CACNA1D: variants seen among roughly 807,000 people sequenced by gnomAD.
CACNA1D encodes voltage-dependent L-type calcium channel subunit alpha-1D.
A neutral mutation model predicts 257.1 loss-of-function variants in CACNA1D; 55 were observed. That is an observed-to-expected ratio of 0.21 (90% CI 0.17 to 0.27). The LOEUF (loss-of-function observed/expected upper bound fraction) is 0.27. Among genes scored for constraint, CACNA1D ranks in the 10% least tolerant of loss-of-function variants. The pLI is 1.00. For missense variants in CACNA1D, 1,876 were observed against 2,784.0 expected (o/e 0.67, Z 7.34); for synonymous variants, 980 against 1,014.9 (o/e 0.97, Z 0.65).
intron 3 of CACNA1D, among the ~76,000 whole-genome samples, chr3:53,630,389 A>G (rs756944441): frequency 2.6e-5 from 4 of 152,248 alleles, no homozygotes; most frequent in Non-Finnish European, 5.9e-5. Flanking sequence ...TAAAACATGT[A>G]ACATTGCTTA....
At chr3:53,563,945 A>T (rs887534445) in intron 3 of CACNA1D, among the ~76,000 whole-genome samples, 9 of 152,184 alleles carry the variant, frequency 5.9e-5, no homozygotes, top group African/African-American at 2.2e-4. Flanking sequence ...TTATTGGATG[A>T]TGCCTAGTTG....
At chr3:53,560,824 A>G (rs2092724646) in intron 3 of CACNA1D, among the ~76,000 whole-genome samples, 1 of 152,218 alleles carries the variant, frequency 6.6e-6, no homozygotes, top group Admixed American at 6.5e-5. Flanking sequence ...AAATTTACTG[A>G]CCACTAATTT....
Position 53,745,616 on chromosome 3 carries a change from C to A in CACNA1D, c.3007-8C>A, listed in dbSNP as rs200464228. The A allele has an allele frequency of 3.8e-6, 6 of 1,597,600 alleles. 1 individual carries two copies. In the South Asian group the frequency reaches 6.6e-5, roughly 18 times the overall value. Reference sequence around the variant, plus strand: ...AAGAAGAGTCACGCCCCTCTGCCCTCTCCGCAGCACGTGGTCCAGTGCGTC... The same window carrying A: ...AAGAAGAGTCACGCCCCTCTGCCCTATCCGCAGCACGTGGTCCAGTGCGTC... On this transcript the variant is annotated splice_region_variant and splice_polypyrimidine_tract_variant and intron_variant, in intron 23 of 47. Coordinates refer to ENST00000350061, the MANE Select transcript of CACNA1D (RefSeq NM_001128840.3).
In CACNA1D at chr3:53,775,000, C is replaced by T. The variant is rs775155963; in HGVS notation, c.4202+322C>T. On this transcript the variant is annotated intron_variant, in intron 34 of 47. Transcript: ENST00000350061. The surrounding 1 kb of genome is among the most constrained non-coding windows in gnomAD (Gnocchi z 4.3). ...ATGCATGGAGGCATGCACTTGAACACGACCAGGAAGACAGAAACTTAGCAA... is the reference window on the plus strand; with the variant it reads ...ATGCATGGAGGCATGCACTTGAACATGACCAGGAAGACAGAAACTTAGCAA... 1.6e-4 allele frequency among the ~76,000 whole-genome samples: 25 copies of T among 152,288 alleles called. No individual in the cohort carries two copies. Among genetic ancestry groups the T allele is most frequent in the East Asian group, 5.8e-4 (3 of 5,190 alleles).
At chr3:53,506,863 A>G (rs2090868342) in intron 3 of CACNA1D, among the ~76,000 whole-genome samples, 1 of 152,206 alleles carries the variant, frequency 6.6e-6, no homozygotes, top group African/African-American at 2.4e-5. Context: ...TATATTAGCC[A>G]CATTGCAGAT....
intron 8 of CACNA1D, among the ~76,000 whole-genome samples, chr3:53,682,380 A>AAAAC (rs1559509226): frequency 2.1e-5 from 3 of 145,586 alleles, no homozygotes; most frequent in East Asian, 4.0e-4. Flanking sequence ...AAAAAAAAAA[A>AAAAC]AAAAAAAAAA....
chr3:53,543,289 G>T (rs1419298430), intron 3 of CACNA1D, among the ~76,000 whole-genome samples: 1 of 152,034 alleles, frequency 6.6e-6, no homozygotes, highest in Admixed American at 6.6e-5. Context: ...TTATAATTAC[G>T]ATTTTAAAGA....
intron 3 of CACNA1D, among the ~76,000 whole-genome samples, chr3:53,571,221 T>C (rs2092937102): frequency 6.6e-6 from 1 of 151,984 alleles, no homozygotes; most frequent in Non-Finnish European, 1.5e-5. Flanking sequence ...TCTTTGGAGA[T>C]GAGTTGATGA....
chr3:53,802,066 C>T (rs188761869), intron 42 of CACNA1D, 81 bp from the exon 43 acceptor site: 1 of 1,220,570 alleles, frequency 8.2e-7, no homozygotes, highest in African/African-American at 1.5e-5. Flanking sequence ...TAGGAGGTAG[C>T]CTGATGTTTG....
At chr3:53,710,828 A>G (rs999695172) in intron 9 of CACNA1D, among the ~76,000 whole-genome samples, 2 of 151,910 alleles carry the variant, frequency 1.3e-5, no homozygotes, top group Non-Finnish European at 2.9e-5. Context: ...CAATAATGTT[A>G]TTTGATTGAT....
intron 3 of CACNA1D, among the ~76,000 whole-genome samples, chr3:53,599,225 A>G (rs2093410974): frequency 6.6e-6 from 1 of 152,198 alleles, no homozygotes; most frequent in African/African-American, 2.4e-5. Flanking sequence ...GGAACCAGAT[A>G]AAGGCAATAT....
At chr3:53,780,818 G>A (rs2095421771) in intron 38 of CACNA1D, among the ~76,000 whole-genome samples, 1 of 152,184 alleles carries the variant, frequency 6.6e-6, no homozygotes, top group African/African-American at 2.4e-5. Context: ...GGAGGTGGGA[G>A]GTGGAGACCT....
At chr3:53,571,983 C>A (rs1389823899) in intron 3 of CACNA1D, among the ~76,000 whole-genome samples, 1 of 152,194 alleles carries the variant, frequency 6.6e-6, no homozygotes, top group East Asian at 1.9e-4. Context: ...TTAGACATTA[C>A]CCTGGTTTTA....
rs145768770 is a variant in CACNA1D at position 53,591,882 on chromosome 3, T to C, written c.484-58897T>C. 2.8e-3 allele frequency among the ~76,000 whole-genome samples: 425 copies of C among 152,336 alleles called. 3 individuals carry two copies. Among genetic ancestry groups the C allele is most frequent in the East Asian group, 0.019 (97 of 5,184 alleles). ...ACCCTGGGATCCTTGTTAAATCTCATGTTACTCAGCTTGTTTTGTCACCAG... is the reference window on the plus strand; with the variant it reads ...ACCCTGGGATCCTTGTTAAATCTCACGTTACTCAGCTTGTTTTGTCACCAG... On this transcript the variant is annotated intron_variant, in intron 3 of 47. Coordinates refer to ENST00000350061, the MANE Select transcript of CACNA1D (RefSeq NM_001128840.3).
chr3:53,697,091 G>A (rs1450976320), intron 8 of CACNA1D, among the ~76,000 whole-genome samples: 10 of 152,224 alleles, frequency 6.6e-5, no homozygotes, highest in African/African-American at 9.6e-5. Context: ...TCCTTACTGA[G>A]TAATTGCTTC....
chr3:53,791,021 G>A (rs907702047), intron 40 of CACNA1D: 24 of 702,116 alleles, frequency 3.4e-5, no homozygotes, highest in African/African-American at 1.0e-4. Context: ...CCTGAGCTAC[G>A]GCACCAAGCT....
rs115371368 is a variant in CACNA1D, at chr3:53,805,403, A to T, written c.5749+257A>T. 6.9e-3 allele frequency among the ~76,000 whole-genome samples: 1,050 copies of T among 152,272 alleles called. 16 individuals are homozygous for T. The highest frequency in any genetic ancestry group is 0.023 in the African/African-American group (960 of 41,546). ...AGAGGCTGTGGGGCCCTAAGATTGCACGCACACATCTGGTAAGGGGTGTTT... is the reference window on the plus strand; with the variant it reads ...AGAGGCTGTGGGGCCCTAAGATTGCTCGCACACATCTGGTAAGGGGTGTTT... On this transcript the variant is annotated intron_variant, in intron 45 of 47. Transcript: ENST00000350061.
intron 3 of CACNA1D, among the ~76,000 whole-genome samples, chr3:53,518,785 A>G (rs2091443734): frequency 6.6e-6 from 1 of 152,178 alleles, no homozygotes. Flanking sequence ...CTTGAGTGCA[A>G]TGTGTCATGG....
chr3:53,718,450 G>T, intron 10 of CACNA1D, 62 bp downstream of exon 10: 1 of 1,487,784 alleles, frequency 6.7e-7, no homozygotes, highest in South Asian at 1.1e-5. Context: ...CAGGTGGTGA[G>T]GAAGACCGCC....
Sources: gnomAD v4.1 joint callset for allele counts (sites outside exome capture counted in the v4.1 genomes callset) on GRCh38, gnomAD v4.1.1 for gene constraint, Gnocchi (gnomAD v3.1) non-coding constraint, MANE v1.5 for transcripts, NCBI Gene and HGNC (gene_info 2026-07-23, HGNC 2026-07-21) for gene names.